The following CACNA2D1 variants were observed in gnomAD, a reference collection of about 807,000 sequenced individuals.
CACNA2D1 encodes the protein calcium voltage-gated channel auxiliary subunit alpha2delta 1, also known as voltage-dependent calcium channel subunit alpha-2/delta-1.
A neutral mutation model predicts 171.5 loss-of-function variants in CACNA2D1; 53 were observed. That is an observed-to-expected ratio of 0.31 (90% confidence interval 0.25 to 0.39). The LOEUF is 0.39. Ranked by LOEUF, CACNA2D1 falls within the 10% of genes least tolerant of loss-of-function variation. The pLI is 1.00. For synonymous variants in CACNA2D1, 442 were observed against 443.1 expected, an observed-to-expected ratio of 1.00 and a Z score of 0.03; for missense variants, 903 against 1,299.8, an observed-to-expected ratio of 0.69 and a Z score of 4.69.
At chr7:82,183,694 C>T (rs1797375548) in intron 3 of CACNA2D1, among the ~76,000 whole-genome samples, 1 of 152,070 alleles carries the variant, frequency 6.6e-6, no homozygotes, top group East Asian at 1.9e-4. Context: ...TCTTATTCAA[C>T]ATTAGCTATT....
rs374718272 is a variant in CACNA2D1 at position 82,328,061 on chromosome 7, G to A, written c.294+7074C>T. Among the ~76,000 whole-genome samples, 26 of 152,212 alleles carry A rather than the reference G, an allele frequency of 1.7e-4. No homozygotes were observed. The East Asian group carries it at 3.3e-3, about 19-fold the overall frequency. On this transcript the variant is annotated intron_variant, in intron 3 of 38. Transcript: ENST00000356860. ...ATGTAAGTTTGTGCCCCTTGATGCC[G>A]TGTCTCATTGCCCTGTCACTGGGTA...
At chr7:82,147,248 A>G (rs1223477771) in intron 4 of CACNA2D1, among the ~76,000 whole-genome samples, 1 of 152,096 alleles carries the variant, frequency 6.6e-6, no homozygotes, top group Non-Finnish European at 1.5e-5. Context: ...TTAAACATTA[A>G]GAGCTATATC....
chr7:82,407,651 A>G (rs1827199144), intron 1 of CACNA2D1, among the ~76,000 whole-genome samples: 1 of 152,190 alleles, frequency 6.6e-6, no homozygotes, highest in Non-Finnish European at 1.5e-5. Flanking sequence ...TAGACAATTT[A>G]GGTGGGAGAA....
chr7:82,084,724 C>T, intron 7 of CACNA2D1, 45 bp downstream of exon 7: 1 of 1,609,376 alleles, frequency 6.2e-7, no homozygotes, highest in Non-Finnish European at 8.5e-7. Flanking sequence ...TCTCCAGAAA[C>T]ATTGAGGCTG....
At chr7:82,263,091 A>G (rs1484856963) in intron 3 of CACNA2D1, among the ~76,000 whole-genome samples, 2 of 145,870 alleles carry the variant, frequency 1.4e-5, no homozygotes, top group Non-Finnish European at 3.0e-5. Context: ...CTCCTATGTC[A>G]CATAACACCA....
At chr7:81,991,312 G>T in intron 20 of CACNA2D1, 66 bp from the exon 21 acceptor site, 1 of 830,558 alleles carries the variant, frequency 1.2e-6, no homozygotes, top group South Asian at 1.3e-5. Flanking sequence ...GAAAAGTAAA[G>T]CCGTAGAATT....
intron 1 of CACNA2D1, among the ~76,000 whole-genome samples, chr7:82,363,257 T>C (rs1821292126): frequency 1.8e-5 from 1 of 54,172 alleles, no homozygotes; most frequent in Non-Finnish European, 3.6e-5. Flanking sequence ...TTTGTCTCTT[T>C]TTTTTTTTTT....
intron 24 of CACNA2D1, among the ~76,000 whole-genome samples, chr7:81,975,132 C>G (rs2130515376): frequency 6.6e-6 from 1 of 152,052 alleles, no homozygotes; most frequent in Admixed American, 6.6e-5. Context: ...ATGTCAGTTT[C>G]CTGGTTGTGA....
chr7:82,087,695 A>G (rs1810640375), intron 6 of CACNA2D1, among the ~76,000 whole-genome samples: 1 of 152,114 alleles, frequency 6.6e-6, no homozygotes, highest in African/African-American at 2.4e-5. Context: ...TGACTAATAA[A>G]CCTATATTAC....
intron 3 of CACNA2D1, among the ~76,000 whole-genome samples, chr7:82,186,354 G>A (rs184502513): frequency 7.2e-5 from 11 of 152,128 alleles, no homozygotes; most frequent in Middle Eastern, 3.4e-3. Context: ...TCTTAAATAC[G>A]CCCCCTGATT....
At chr7:82,377,996 T>C (rs1223227060) in intron 1 of CACNA2D1, among the ~76,000 whole-genome samples, 1 of 152,180 alleles carries the variant, frequency 6.6e-6, no homozygotes, top group African/African-American at 2.4e-5. Flanking sequence ...GCAGGATGCT[T>C]TGTCTCCTTA....
intron 29 of CACNA2D1, among the ~76,000 whole-genome samples, chr7:81,968,513 T>G (rs2130390301): frequency 6.6e-6 from 1 of 151,554 alleles, no homozygotes; most frequent in East Asian, 1.9e-4. Flanking sequence ...TTAACTTTTT[T>G]GTACAAATAT....
In CACNA2D1 at chr7:82,155,447, C is replaced by T. The variant is rs112049503; in HGVS notation, c.354+15103G>A. The stretch of plus-strand genomic sequence containing the variant: ...CAACCACAAATGCTCAAGTTACTTC[C>T]TCTAGAGCAAATTTACATTTTCATT... On this transcript the variant is annotated intron_variant, in intron 4 of 38. Coordinates refer to ENST00000356860, the MANE Select transcript of CACNA2D1 (RefSeq NM_000722.4). Among the ~76,000 whole-genome samples, 809 of 152,216 alleles carry T rather than the reference C, an allele frequency of 5.3e-3. 7 individuals are homozygous for T. The highest frequency in any genetic ancestry group is 0.017 in the African/African-American group (714 of 41,540).
chr7:82,182,953 C>T (rs184856334), intron 3 of CACNA2D1, among the ~76,000 whole-genome samples: 7 of 150,910 alleles, frequency 4.6e-5, no homozygotes, highest in Non-Finnish European at 5.9e-5. Context: ...AGGAGAATCA[C>T]GTGAACCTGG....
chr7:81,951,969 G>GTTTTTTTTTTTTTTTTTTTTTTTTTTTT (rs774805421), intron 38 of CACNA2D1, among the ~76,000 whole-genome samples: 2 of 71,916 alleles, frequency 2.8e-5, no homozygotes, highest in Non-Finnish European at 4.9e-5. Flanking sequence ...TGTACAAAGT[G>GTTTTTTTTTTTTTTTTTTTTTTTTTTTT]TTTTTTTTTT....
chr7:82,127,734 T>C (rs1790497328), intron 5 of CACNA2D1, among the ~76,000 whole-genome samples: 1 of 152,142 alleles, frequency 6.6e-6, no homozygotes, highest in Non-Finnish European at 1.5e-5. Context: ...TTGGAGGAAT[T>C]GTATGGTATC....
chr7:82,326,558 T>C (rs1051367348), intron 3 of CACNA2D1, among the ~76,000 whole-genome samples: 1 of 152,194 alleles, frequency 6.6e-6, no homozygotes, highest in Non-Finnish European at 1.5e-5. Flanking sequence ...ATCTGGACCA[T>C]AGCAGACAGT....
At position 81,958,664 on chromosome 7, in the gene CACNA2D1, A is replaced by G. The variant is rs558020920; in HGVS notation, c.3159+611T>C. Among the ~76,000 whole-genome samples the G allele has an allele frequency of 2.3e-4, 35 of 152,158 alleles. 2 individuals are homozygous for G. Among genetic ancestry groups the G allele is most frequent in the Admixed American group, 2.1e-3 (32 of 15,254 alleles). ...AGTAAGCCATCTTTAAGTGACATAT[A>G]TTAAATATGATTTGTAATATTTTAT... On this transcript the variant is annotated intron_variant, in intron 38 of 38. Transcript: ENST00000356860.
chr7:82,052,902 C>G (rs1165813052), intron 10 of CACNA2D1, among the ~76,000 whole-genome samples: 1 of 152,088 alleles, frequency 6.6e-6, no homozygotes, highest in Admixed American at 6.5e-5. Context: ...ATCAACCTCA[C>G]AGGGTTGCTG....
Sources: allele counts gnomAD v4.1 joint callset (sites outside exome capture counted in the v4.1 genomes callset), GRCh38; gene constraint gnomAD v4.1.1; transcripts MANE v1.5; gene names NCBI Gene and HGNC (gene_info 2026-07-23, HGNC 2026-07-21).